MAGI1: variants seen among roughly 807,000 people sequenced by gnomAD.
MAGI1 encodes the protein membrane associated guanylate kinase, WW and PDZ domain containing 1.
A neutral mutation model predicts 139.9 loss-of-function variants in MAGI1; 58 were observed. The observed-to-expected ratio is 0.41, with a 90% CI of 0.34 to 0.52. MAGI1 has a LOEUF of 0.52. MAGI1 is among the 20% of genes least tolerant of loss of function. The pLI, the probability that MAGI1 is intolerant of heterozygous loss-of-function variation, is 0.12. For synonymous variants in MAGI1, 812 were observed against 737.9 expected, an observed-to-expected ratio of 1.10 and a Z score of -1.63; for missense variants, 1,874 against 1,901.6, an observed-to-expected ratio of 0.99 and a Z score of 0.27.
intron 18 of MAGI1, among the ~76,000 whole-genome samples, chr3:65,367,878 G>T (rs1479595811): frequency 6.6e-6 from 1 of 152,160 alleles, no homozygotes; most frequent in Non-Finnish European, 1.5e-5. Context: ...ACCTCACCAA[G>T]CAGTATCAGA....
intron 1 of MAGI1, among the ~76,000 whole-genome samples, chr3:65,866,952 T>C (rs1308817723): frequency 1.3e-5 from 2 of 152,200 alleles, no homozygotes; most frequent in African/African-American, 4.8e-5. Context: ...GGACAGGATG[T>C]GAACTCAGCA....
chr3:65,821,579 C>G (rs1219118500), intron 1 of MAGI1, among the ~76,000 whole-genome samples: 1 of 152,194 alleles, frequency 6.6e-6, no homozygotes, highest in Non-Finnish European at 1.5e-5. Flanking sequence ...CCAATCTTCT[C>G]AGAGGTCTAA....
chr3:65,527,297 GGGCTGGGTACGGT>G (rs2078430460), intron 2 of MAGI1, among the ~76,000 whole-genome samples: 1 of 152,196 alleles, frequency 6.6e-6, no homozygotes, highest in Non-Finnish European at 1.5e-5. Context: ...TTATATTTCA[GGGCTGGGTACGGT>G]GGCTCATGCC....
At chr3:65,837,143 A>C (rs1283825818) in intron 1 of MAGI1, among the ~76,000 whole-genome samples, 1 of 152,116 alleles carries the variant, frequency 6.6e-6, no homozygotes, top group South Asian at 2.1e-4. Context: ...AAAACACAGA[A>C]CTTGCTTCTC....
At chr3:65,369,501 C>T (rs1448427633) in intron 18 of MAGI1, among the ~76,000 whole-genome samples, 6 of 151,548 alleles carry the variant, frequency 4.0e-5, no homozygotes, top group South Asian at 4.2e-4. Flanking sequence ...GTGTCCCAGA[C>T]GTGATGGATT....
At chr3:65,686,733 GA>G (rs1205747281) in intron 1 of MAGI1, among the ~76,000 whole-genome samples, 6 of 152,210 alleles carry the variant, frequency 3.9e-5, no homozygotes, top group Admixed American at 3.9e-4. Context: ...GACAGGAAGT[GA>G]AACGCCAAGC....
intron 3 of MAGI1, among the ~76,000 whole-genome samples, chr3:65,486,454 T>C (rs1424259925): frequency 6.6e-6 from 1 of 152,044 alleles, no homozygotes; most frequent in African/African-American, 2.4e-5. Context: ...GGCAGTGACC[T>C]GTCTTGCAGA....
intron 1 of MAGI1, among the ~76,000 whole-genome samples, chr3:65,655,803 C>T (rs939201717): frequency 2.0e-5 from 3 of 152,318 alleles, no homozygotes; most frequent in Middle Eastern, 3.4e-3. Context: ...CAGTTGAATT[C>T]CAATGTTGAA....
chr3:65,365,260 G>T, intron 18 of MAGI1: 1 of 534,282 alleles, frequency 1.9e-6, no homozygotes, highest in Non-Finnish European at 3.6e-6. Context: ...CCCTGCCACT[G>T]AAAAAAGGCA....
intron 13 of MAGI1, among the ~76,000 whole-genome samples, chr3:65,395,636 CAAA>C (rs58806140): frequency 0.076 from 1,450 of 19,170 alleles, 113 homozygotes; most frequent in Non-Finnish European, 0.11. Flanking sequence ...GACTCCATCT[CAAA>C]AAAAAAAAAA....
intron 2 of MAGI1, among the ~76,000 whole-genome samples, chr3:65,575,897 C>A (rs1016420322): frequency 6.6e-6 from 1 of 152,042 alleles, no homozygotes; most frequent in Admixed American, 6.6e-5. Flanking sequence ...GTCTTGAAAT[C>A]GGGAGATACA....
At chr3:65,829,494 A>G (rs1419806289) in intron 1 of MAGI1, among the ~76,000 whole-genome samples, 1 of 152,134 alleles carries the variant, frequency 6.6e-6, no homozygotes, top group Non-Finnish European at 1.5e-5. Flanking sequence ...GGAAGGCACA[A>G]TCTATGACGA....
At chr3:65,775,798 C>T (rs2038368699) in intron 1 of MAGI1, among the ~76,000 whole-genome samples, 1 of 151,946 alleles carries the variant, frequency 6.6e-6, no homozygotes, top group Non-Finnish European at 1.5e-5. Flanking sequence ...AAAAAATTAG[C>T]TGGACATGGT....
In MAGI1 at chr3:65,394,110, G is replaced by C. The variant is rs113859124; in HGVS notation, c.2200-2752C>G. On this transcript the variant is annotated intron_variant, in intron 13 of 22. Coordinates refer to ENST00000402939, the MANE Select transcript of MAGI1 (RefSeq NM_001033057.2). ...GGGTTTTTGAAACCCTCTCATGTCTGTCCCAGTATAAGAAATCCCTGACAT... is the reference window on the plus strand; with the variant it reads ...GGGTTTTTGAAACCCTCTCATGTCTCTCCCAGTATAAGAAATCCCTGACAT... Among the ~76,000 whole-genome samples the C allele has an allele frequency of 1.8e-3, 280 of 152,236 alleles. 2 individuals carry two copies. The highest frequency in any genetic ancestry group is 6.6e-3 in the African/African-American group (274 of 41,536).
intron 2 of MAGI1, among the ~76,000 whole-genome samples, chr3:65,502,395 C>CGTAAGT (rs113353552): frequency 6.6e-6 from 1 of 151,324 alleles, no homozygotes; most frequent in Non-Finnish European, 1.5e-5. Context: ...TTCTGCTTAG[C>CGTAAGT]ATAAGGATTT....
intron 2 of MAGI1, among the ~76,000 whole-genome samples, chr3:65,528,551 A>G (rs1212101014): frequency 1.3e-5 from 2 of 152,204 alleles, no homozygotes; most frequent in African/African-American, 4.8e-5. Flanking sequence ...CTGCATCTCA[A>G]TTTCTGAACC....
chr3:65,558,505 CA>C, intron 2 of MAGI1, among the ~76,000 whole-genome samples: 1 of 152,040 alleles, frequency 6.6e-6, no homozygotes, highest in South Asian at 2.1e-4. Context: ...AAAACAAAAA[CA>C]AAAAAACAGC....
intron 1 of MAGI1, among the ~76,000 whole-genome samples, chr3:65,941,013 A>G (rs2063288633): frequency 6.6e-6 from 1 of 152,194 alleles, no homozygotes; most frequent in African/African-American, 2.4e-5. Flanking sequence ...GTATTCAAGA[A>G]AAAAACTATA....
intron 1 of MAGI1, among the ~76,000 whole-genome samples, chr3:65,979,306 T>G (rs979043635): frequency 6.6e-5 from 10 of 152,160 alleles, no homozygotes; most frequent in Admixed American, 6.5e-5. Context: ...GGTGGAAAAG[T>G]AGCCTGTTGC....
Sources: gnomAD v4.1 joint callset for allele counts (sites outside exome capture counted in the v4.1 genomes callset) on GRCh38, gnomAD v4.1.1 for gene constraint, MANE v1.5 for transcripts, NCBI Gene and HGNC (gene_info 2026-07-23, HGNC 2026-07-21) for gene names.